Variants in FAM135B observed in about 807,000 individuals in gnomAD.
FAM135B encodes protein FAM135B.
Under a neutral mutation model 127.7 loss-of-function variants are expected in FAM135B, and 43 were observed. The ratio of observed to expected loss-of-function variants is 0.34; its 90% confidence interval spans 0.26 to 0.43. FAM135B has a LOEUF of 0.43. Ranked by LOEUF, FAM135B falls within the 20% of genes least tolerant of loss-of-function variation. The probability of loss-of-function intolerance (pLI) is 1.00; values close to 1 mark genes in which losing one functional copy is unlikely to be tolerated. For missense variants in FAM135B, 1,558 were observed against 1,725.6 expected, an observed-to-expected ratio of 0.90 and a Z score of 1.72; for synonymous variants, 670 against 665.1, an observed-to-expected ratio of 1.01 and a Z score of -0.11.
At chr8:138,491,219 C>G (rs1475581839) in intron 1 of FAM135B, among the ~76,000 whole-genome samples, 1 of 148,238 alleles carries the variant, frequency 6.7e-6, no homozygotes, top group African/African-American at 2.5e-5. Flanking sequence ...AGCCCAACAA[C>G]AAAAGCTATA....
intron 9 of FAM135B, among the ~76,000 whole-genome samples, chr8:138,192,598 G>A (rs1004778972): frequency 7.7e-5 from 3 of 39,172 alleles, no homozygotes; most frequent in African/African-American, 2.2e-4. Context: ...TGATAAACTC[G>A]CTCATCTGGT....
chr8:138,222,629 A>T (rs1026246989), intron 7 of FAM135B, among the ~76,000 whole-genome samples: 3 of 145,642 alleles, frequency 2.1e-5, no homozygotes, highest in Non-Finnish European at 3.0e-5. Context: ...TTATATTTAG[A>T]TGTGGTGGGG....
intron 4 of FAM135B, among the ~76,000 whole-genome samples, chr8:138,265,094 G>A (rs562019590): frequency 2.6e-4 from 40 of 152,150 alleles, no homozygotes; most frequent in Admixed American, 2.2e-3. Context: ...CCAAGGCCTC[G>A]GGGCTTGCAA....
At chr8:138,320,277 C>T (rs1386284019) in intron 2 of FAM135B, among the ~76,000 whole-genome samples, 1 of 152,188 alleles carries the variant, frequency 6.6e-6, no homozygotes, top group Admixed American at 6.5e-5. Context: ...AATATCCTCA[C>T]GTTAACAACA....
chr8:138,252,886 G>A (rs1821801317), intron 5 of FAM135B, among the ~76,000 whole-genome samples: 1 of 152,142 alleles, frequency 6.6e-6, no homozygotes, highest in Non-Finnish European at 1.5e-5. Context: ...TGCAACCTCT[G>A]CCTCCTGGGT....
At chr8:138,268,573 A>G (rs1823126886) in intron 3 of FAM135B, among the ~76,000 whole-genome samples, 2 of 152,058 alleles carry the variant, frequency 1.3e-5, no homozygotes, top group African/African-American at 4.8e-5. Flanking sequence ...TGTGGAGATC[A>G]CTGGGACAAC....
intron 5 of FAM135B, among the ~76,000 whole-genome samples, chr8:138,254,289 T>G (rs2130519897): frequency 6.6e-6 from 1 of 152,348 alleles, no homozygotes; most frequent in African/African-American, 2.4e-5. Flanking sequence ...AGGCTCTCCA[T>G]TAACTACTGT....
At chr8:138,320,413 C>T (rs1827371984) in intron 2 of FAM135B, among the ~76,000 whole-genome samples, 2 of 152,186 alleles carry the variant, frequency 1.3e-5, no homozygotes, top group Admixed American at 6.5e-5. Flanking sequence ...GAAGGCAAAG[C>T]CAGGTGCTTT....
chr8:138,172,341 G>T (rs886972783), intron 11 of FAM135B, among the ~76,000 whole-genome samples: 1 of 152,124 alleles, frequency 6.6e-6, no homozygotes, highest in Non-Finnish European at 1.5e-5. Flanking sequence ...GATCTTTGGT[G>T]CAGCATTCAG....
intron 1 of FAM135B, among the ~76,000 whole-genome samples, chr8:138,369,761 C>A (rs1469128023): frequency 1.3e-5 from 2 of 152,166 alleles, no homozygotes; most frequent in African/African-American, 4.8e-5. Context: ...GGAAGCCACC[C>A]TGTGCTTCCC....
intron 1 of FAM135B, among the ~76,000 whole-genome samples, chr8:138,372,728 A>G (rs1421317179): frequency 6.6e-6 from 1 of 152,218 alleles, no homozygotes; most frequent in Non-Finnish European, 1.5e-5. Flanking sequence ...TACAGAAGAC[A>G]TAACTAGGAG....
At chr8:138,310,052 G>A (rs1317607115) in intron 3 of FAM135B, among the ~76,000 whole-genome samples, 4 of 151,798 alleles carry the variant, frequency 2.6e-5, no homozygotes, top group African/African-American at 7.3e-5. Flanking sequence ...TGTATTTTTA[G>A]TATAGGCAGG....
At chr8:138,192,645 A>T (rs1012335916) in intron 9 of FAM135B, among the ~76,000 whole-genome samples, 2 of 152,150 alleles carry the variant, frequency 1.3e-5, no homozygotes, top group Non-Finnish European at 2.9e-5. Flanking sequence ...TCAGCGCAAG[A>T]GGACAGTTGG....
chr8:138,445,052 G>C (rs1836038685), intron 1 of FAM135B, among the ~76,000 whole-genome samples: 1 of 152,184 alleles, frequency 6.6e-6, no homozygotes, highest in Non-Finnish European at 1.5e-5. Context: ...AGAAAATCTA[G>C]AAGAAATGGA....
At chr8:138,424,194 G>C (rs1587419124) in intron 1 of FAM135B, among the ~76,000 whole-genome samples, 1 of 152,144 alleles carries the variant, frequency 6.6e-6, no homozygotes, top group Non-Finnish European at 1.5e-5. Flanking sequence ...AGATATTAAA[G>C]ACAGGCATAG....
chr8:138,196,879 T>C (rs986789659), intron 8 of FAM135B, among the ~76,000 whole-genome samples: 1 of 152,218 alleles, frequency 6.6e-6, no homozygotes, highest in African/African-American at 2.4e-5. Context: ...TACTGTGTGA[T>C]GCTGAGCAAC....
intron 3 of FAM135B, among the ~76,000 whole-genome samples, chr8:138,288,751 T>C (rs377037523): frequency 1.3e-5 from 2 of 152,232 alleles, no homozygotes; most frequent in African/African-American, 4.8e-5. Flanking sequence ...ATTTTTCTTT[T>C]AAGAAGATAA....
intron 3 of FAM135B, among the ~76,000 whole-genome samples, chr8:138,297,176 G>C (rs1825536414): frequency 6.6e-6 from 1 of 152,172 alleles, no homozygotes; most frequent in South Asian, 2.1e-4. Context: ...TTGAAATATG[G>C]AAAGAAAGGA....
chr8:138,243,026 G>C lies in FAM135B; in HGVS notation c.585C>G (p.Gly195=). The change falls in exon 7 of 20, where the codon GGC becomes GGG. Residue 195 remains glycine (G), a synonymous_variant. Transcript: ENST00000395297. This position sits in a 1 kb window ranked among gnomAD's most constrained non-coding sequence, Gnocchi z 7.5. ...PGRGSWLGKG[G]PDTGQEQSII... is the part of the protein sequence containing the mutation. The stretch of plus-strand genomic sequence containing the variant: ...TAGACTGTTCTTGTCCGGTGTCTGG[G>C]CCACCTTTACCAAGCCAGGAGCCTC... The C allele has an allele frequency of 6.2e-7, 1 of 1,613,576 alleles. No homozygotes were observed. Among genetic ancestry groups the C allele is most frequent in the Non-Finnish European group, 8.5e-7 (1 of 1,179,814 alleles).
Sources: allele counts gnomAD v4.1 joint callset (sites outside exome capture counted in the v4.1 genomes callset), GRCh38; gene constraint gnomAD v4.1.1; non-coding constraint Gnocchi (gnomAD v3.1); transcripts MANE v1.5; gene names NCBI Gene and HGNC (gene_info 2026-07-23, HGNC 2026-07-21).